Variants in OXNAD1 observed in about 807,000 individuals in gnomAD.
OXNAD1 encodes the protein oxidoreductase NAD binding domain containing 1.
In OXNAD1, 34 loss-of-function variants were observed where a neutral mutation model predicts 32.9. The observed-to-expected ratio is 1.03, with a 90% CI of 0.79 to 1.38. The LOEUF is 1.38. Ranked by LOEUF, OXNAD1 falls within the 40% of genes most tolerant of loss-of-function variation. OXNAD1 has a pLI of 0.00. For missense variants in OXNAD1, 407 were observed against 379.4 expected (o/e 1.07, Z -0.60); for synonymous variants, 134 against 135.2 (o/e 0.99, Z 0.06).
Position 16,316,651 on chromosome 3 carries a change from A to C in OXNAD1, c.*30+13059A>C. 2.8e-6 allele frequency: 2 copies of C among 717,888 alleles called. No individual in the cohort carries two copies. The highest frequency in any genetic ancestry group is 1.7e-5 in the South Asian group (1 of 58,998). The allele number at this position is 717,888 out of a possible 1,614,324, so 44.5% of individuals were successfully genotyped here. ...ACACCTTTCCAGTGGATGTGCAAAAACCAACACTGTCAGGAACCTGGCCCT... is the reference window on the plus strand; with the variant it reads ...ACACCTTTCCAGTGGATGTGCAAAACCCAACACTGTCAGGAACCTGGCCCT... On this transcript the variant is annotated intron_variant, in intron 9 of 9. Transcript: ENST00000435829. This position sits in a 1 kb window ranked among gnomAD's most constrained non-coding sequence, Gnocchi z 4.5.
At chr3:16,350,352 C>T (rs565044995), downstream of OXNAD1, 1 of 152,164 alleles carries the variant, frequency 6.6e-6, no homozygotes, top group African/African-American at 2.4e-5. Flanking sequence ...GCATTTGTTT[C>T]TTTAGAAGAG....
chr3:16,308,930 T>C (rs893986673), downstream of OXNAD1, among the ~76,000 whole-genome samples: 2 of 149,820 alleles, frequency 1.3e-5, no homozygotes, highest in African/African-American at 4.9e-5. This position sits in a 1 kb window ranked among gnomAD's most constrained non-coding sequence, Gnocchi z 4.4. Context: ...AATTGTTAAA[T>C]AATTTTTTAA....
Position 16,299,926 on chromosome 3 carries a change from C to G in OXNAD1, c.433-1700C>G, listed in dbSNP as rs2067059402. 6.6e-6 allele frequency among the ~76,000 whole-genome samples: 1 copy of G among 152,232 alleles called. No homozygotes were observed. Among genetic ancestry groups the G allele is most frequent in the Admixed American group, 6.5e-5 (1 of 15,282 alleles). ...ATTCCTTCTTATGTAGAGCCAGATA[C>G]TCGGGAGTTCCACCCACTGTGAGTC... On this transcript the variant is annotated intron_variant, in intron 6 of 8. Transcript: ENST00000285083. The surrounding 1 kb of genome is among the most constrained non-coding windows in gnomAD (Gnocchi z 4.4).
chr3:16,333,477 C>G (rs2070525999), intron 9 of OXNAD1, among the ~76,000 whole-genome samples: 1 of 150,530 alleles, frequency 6.6e-6, no homozygotes, highest in South Asian at 2.1e-4. Context: ...CTGTATCTAT[C>G]TAATTATGTC....
chr3:16,303,725 A>G lies in OXNAD1; in HGVS notation c.*163A>G, dbSNP rs2067348491. 2 of 723,428 alleles carry G rather than the reference A, an allele frequency of 2.8e-6. No individual in the cohort carries two copies. The highest frequency in any genetic ancestry group is 3.6e-5 in the Admixed American group (1 of 28,030). 44.8% of individuals were successfully genotyped at this position (723,428 alleles called of 1,614,324 possible). A position where few individuals can be genotyped will look rare whatever the true frequency, so the allele number is the denominator to read the frequency against. ...ATAATAAAAGCCAGCTGGCAGACTT[A>G]AATGATAAACTTTTTGCAAAGACCT... On this transcript the variant is annotated 3_prime_UTR_variant, in exon 9 of 9. Transcript: ENST00000285083. The surrounding 1 kb of genome is among the most constrained non-coding windows in gnomAD (Gnocchi z 4.8).
chr3:16,278,357 A>G (rs1316830309), intron 4 of OXNAD1, among the ~76,000 whole-genome samples: 2 of 152,162 alleles, frequency 1.3e-5, no homozygotes, highest in Admixed American at 6.5e-5. Flanking sequence ...TTTTGTTTAC[A>G]AAGCACCAGA....
At chr3:16,295,048 A>C (rs374150820) in intron 6 of OXNAD1, 51 bp downstream of exon 6, 4 of 1,538,236 alleles carry the variant, frequency 2.6e-6, no homozygotes, top group Non-Finnish European at 2.6e-6. Context: ...TCTGCCACCC[A>C]CAAAATTTGT....
chr3:16,337,849 G>T (rs2071012674), downstream of OXNAD1, among the ~76,000 whole-genome samples: 2 of 152,112 alleles, frequency 1.3e-5, no homozygotes, highest in South Asian at 4.1e-4. This position sits in a 1 kb window ranked among gnomAD's most constrained non-coding sequence, Gnocchi z 5.0. Flanking sequence ...CACACTCAAG[G>T]CTGGCACACC....
chr3:16,310,556 GATC>G (rs1326723479), downstream of OXNAD1, among the ~76,000 whole-genome samples: 3 of 152,090 alleles, frequency 2.0e-5, no homozygotes, highest in Non-Finnish European at 4.4e-5. Context: ...AGCAACATGG[GATC>G]ATGTTTTAAA....
Position 16,287,563 on chromosome 3 carries a change from C to T in OXNAD1, c.290+1115C>T, listed in dbSNP as rs2066155970. On this transcript the variant is annotated intron_variant, in intron 5 of 8. Transcript: ENST00000285083. This position sits in a 1 kb window ranked among gnomAD's most constrained non-coding sequence, Gnocchi z 4.8. ...CAGTCATTATATTGAAAAGTGGAAA[C>T]TTTAATTGTAATGATCTGTTTTCCA... Among the ~76,000 whole-genome samples, 1 of 152,170 alleles carries T rather than the reference C, an allele frequency of 6.6e-6. No homozygotes were observed. Among genetic ancestry groups the T allele is most frequent in the Non-Finnish European group, 1.5e-5 (1 of 68,020 alleles).
chr3:16,268,431 G>C (rs113329604), intron 1 of OXNAD1, among the ~76,000 whole-genome samples: 1 of 138,176 alleles, frequency 7.2e-6, no homozygotes, highest in African/African-American at 2.6e-5. Flanking sequence ...CCAGGTTCAA[G>C]CGATTCTCTT....
At chr3:16,282,922 T>A (rs186386772) in intron 4 of OXNAD1, among the ~76,000 whole-genome samples, 260 of 149,602 alleles carry the variant, frequency 1.7e-3, no homozygotes, top group African/African-American at 6.3e-3. Context: ...TTAGGAATAT[T>A]TGCCTGTTGG....
chr3:16,315,856 T>C (rs2068330882), intron 9 of OXNAD1: 1 of 152,244 alleles, frequency 6.6e-6, no homozygotes, highest in South Asian at 2.1e-4. Context: ...CACGGTGCAC[T>C]AACTCATAGA....
At chr3:16,281,143 A>C (rs1359855462) in intron 4 of OXNAD1, among the ~76,000 whole-genome samples, 10 of 152,214 alleles carry the variant, frequency 6.6e-5, no homozygotes, top group Non-Finnish European at 1.0e-4. Flanking sequence ...CTTCAAAAAG[A>C]TTTCGTTGAT....
intron 9 of OXNAD1, among the ~76,000 whole-genome samples, chr3:16,332,821 T>A (rs1156559334): frequency 7.1e-6 from 1 of 141,490 alleles, no homozygotes; most frequent in Non-Finnish European, 1.5e-5. Context: ...CTTTTTGTTC[T>A]TGTGGGCATC....
In OXNAD1 at chr3:16,299,929, G is replaced by A. The variant is rs1289722380; in HGVS notation, c.433-1697G>A. ...CCTTCTTATGTAGAGCCAGATACTC[G>A]GGAGTTCCACCCACTGTGAGTCAGT... On this transcript the variant is annotated intron_variant, in intron 6 of 8. Transcript: ENST00000285083. This position sits in a 1 kb window ranked among gnomAD's most constrained non-coding sequence, Gnocchi z 4.4. 1.3e-5 allele frequency among the ~76,000 whole-genome samples: 2 copies of A among 152,150 alleles called. No individual in the cohort carries two copies. The highest frequency in any genetic ancestry group is 6.5e-5 in the Admixed American group (1 of 15,278).
At chr3:16,323,556 C>T (rs772494068) in intron 9 of OXNAD1, 2 of 811,222 alleles carry the variant, frequency 2.5e-6, no homozygotes, top group Non-Finnish European at 4.1e-6. Context: ...AAGCAGACCA[C>T]CCACAGGATT....
At chr3:16,270,577 T>G (rs1301750454) in intron 2 of OXNAD1, among the ~76,000 whole-genome samples, 1 of 152,192 alleles carries the variant, frequency 6.6e-6, no homozygotes, top group African/African-American at 2.4e-5. Context: ...TATAAAAGAC[T>G]TATGCAGTAC....
rs79425126 is a variant in OXNAD1, at chr3:16,327,279, C to T, written c.*31-9833C>T. 3.1e-3 allele frequency among the ~76,000 whole-genome samples: 477 copies of T among 152,282 alleles called. 2 individuals are homozygous for T. The highest frequency in any genetic ancestry group is 5.6e-3 in the South Asian group (27 of 4,822). ...GAGCGTGTTGTGGGGAGTTAACTTA[C>T]ATTTGACAAATGATCAAGTCGTTTA... On this transcript the variant is annotated intron_variant, in intron 9 of 9. Transcript: ENST00000435829. The surrounding 1 kb of genome is among the most constrained non-coding windows in gnomAD (Gnocchi z 4.2).
Sources: allele counts gnomAD v4.1 joint callset (sites outside exome capture counted in the v4.1 genomes callset), GRCh38; gene constraint gnomAD v4.1.1; non-coding constraint Gnocchi (gnomAD v3.1); transcripts MANE v1.5; gene names NCBI Gene and HGNC (gene_info 2026-07-23, HGNC 2026-07-21).